The following GALNT14 variants were observed in gnomAD, a reference collection of about 807,000 sequenced individuals.
GALNT14 encodes the protein UDP-GalNAc:polypeptide N-acetylgalactosaminyltransferase 14.
Under a neutral mutation model 77.5 loss-of-function variants are expected in GALNT14, and 60 were observed. The ratio of observed to expected loss-of-function variants is 0.77; its 90% confidence interval spans 0.63 to 0.96. GALNT14 has a LOEUF of 0.96. Ranked by LOEUF, GALNT14 falls within the 40% of genes least tolerant of loss-of-function variation. The pLI is 0.00. For synonymous variants in GALNT14, 280 were observed against 281.7 expected (o/e 0.99, Z 0.06); for missense variants, 710 against 731.0 (o/e 0.97, Z 0.33).
At chr2:30,980,212 A>G (rs1463506629) in intron 2 of GALNT14, among the ~76,000 whole-genome samples, 4 of 152,228 alleles carry the variant, frequency 2.6e-5, no homozygotes, top group Non-Finnish European at 5.9e-5. Flanking sequence ...CAGGGTGCAG[A>G]GCCTGGACCT....
intron 1 of GALNT14, among the ~76,000 whole-genome samples, chr2:31,050,412 G>A (rs1673769195): frequency 6.6e-6 from 1 of 152,130 alleles, no homozygotes; most frequent in Admixed American, 6.5e-5. Flanking sequence ...GCAGCTTCCG[G>A]TCAGTGTCAC....
rs186872047 is a variant in GALNT14 at position 31,009,639 on chromosome 2, C to T, written c.130-16632G>A. ...CCCACTTAAGGTCTCACAAGCATCT[C>T]ACCTTGCATGGATTTCAAATGGAAC... is the stretch of plus-strand genomic sequence containing the variant. On this transcript the variant is annotated intron_variant, in intron 1 of 14. Coordinates refer to ENST00000349752, the MANE Select transcript of GALNT14 (RefSeq NM_024572.4). 1.9e-3 allele frequency among the ~76,000 whole-genome samples: 288 copies of T among 152,302 alleles called. 3 individuals carry two copies. The highest frequency in any genetic ancestry group is 0.016 in the Admixed American group (242 of 15,302).
chr2:30,953,278 A>G (rs1339459231), intron 6 of GALNT14, among the ~76,000 whole-genome samples: 1 of 120,844 alleles, frequency 8.3e-6, no homozygotes, highest in Non-Finnish European at 1.8e-5. Flanking sequence ...TGTTTTCCAT[A>G]TTTCTTCCTC....
At chr2:31,070,818 G>A (rs1005763207) in intron 1 of GALNT14, among the ~76,000 whole-genome samples, 11 of 152,178 alleles carry the variant, frequency 7.2e-5, no homozygotes, top group African/African-American at 2.7e-4. Flanking sequence ...GACGTTTAAA[G>A]GATGCAGAGA....
At chr2:31,022,559 C>T (rs1302235868) in intron 1 of GALNT14, among the ~76,000 whole-genome samples, 3 of 152,320 alleles carry the variant, frequency 2.0e-5, no homozygotes, top group East Asian at 1.9e-4. Flanking sequence ...TACAAAACAA[C>T]GTCTTCCCAC....
At chr2:31,136,804 GA>G (rs1371064366) in intron 1 of GALNT14, among the ~76,000 whole-genome samples, 1 of 152,162 alleles carries the variant, frequency 6.6e-6, no homozygotes, top group Non-Finnish European at 1.5e-5. Context: ...CCTGATCTAT[GA>G]AACAAGCATA....
chr2:31,064,277 C>T (rs146043843), intron 1 of GALNT14, among the ~76,000 whole-genome samples: 2 of 152,368 alleles, frequency 1.3e-5, no homozygotes, highest in East Asian at 3.9e-4. Context: ...ACGCAGCTGT[C>T]ACTGGCTCCC....
intron 1 of GALNT14, among the ~76,000 whole-genome samples, chr2:31,074,313 A>G (rs1675614406): frequency 6.6e-6 from 1 of 152,104 alleles, no homozygotes; most frequent in Non-Finnish European, 1.5e-5. Flanking sequence ...TGTGAAATGG[A>G]GCTAACAAAG....
At chr2:31,075,946 T>A (rs1462063990) in intron 1 of GALNT14, among the ~76,000 whole-genome samples, 1 of 152,184 alleles carries the variant, frequency 6.6e-6, no homozygotes, top group Non-Finnish European at 1.5e-5. Context: ...CATCTGGTTG[T>A]TTGGCAGAGA....
At chr2:30,987,550 T>C (rs114086677) in intron 2 of GALNT14, among the ~76,000 whole-genome samples, 284 of 152,320 alleles carry the variant, frequency 1.9e-3, no homozygotes, top group Non-Finnish European at 3.5e-3. Flanking sequence ...CTCGCTTCCA[T>C]TCCAGATACG....
intron 1 of GALNT14, among the ~76,000 whole-genome samples, chr2:31,089,166 C>T (rs933364572): frequency 2.6e-5 from 4 of 152,108 alleles, no homozygotes; most frequent in Non-Finnish European, 5.9e-5. Context: ...CCTAGCCTAC[C>T]ATGACCCTTC....
chr2:30,978,163 T>C (rs1028373540), intron 2 of GALNT14, among the ~76,000 whole-genome samples: 3 of 152,240 alleles, frequency 2.0e-5, no homozygotes, highest in African/African-American at 7.2e-5. Flanking sequence ...GTCACTGCCC[T>C]TGACTGTACC....
intron 1 of GALNT14, among the ~76,000 whole-genome samples, chr2:31,008,061 G>A (rs1258048644): frequency 6.6e-6 from 1 of 152,096 alleles, no homozygotes; most frequent in Non-Finnish European, 1.5e-5. Context: ...AAACCAATGG[G>A]ATGAACCCCA....
At chr2:31,068,944 T>C (rs1457292369) in intron 1 of GALNT14, among the ~76,000 whole-genome samples, 2 of 152,152 alleles carry the variant, frequency 1.3e-5, no homozygotes, top group African/African-American at 4.8e-5. Flanking sequence ...ATGTCCAGAA[T>C]AGGCAAATGT....
At chr2:30,996,356 G>A (rs1670029948) in intron 1 of GALNT14, among the ~76,000 whole-genome samples, 1 of 152,254 alleles carries the variant, frequency 6.6e-6, no homozygotes, top group Non-Finnish European at 1.5e-5. Flanking sequence ...AGGTCATGGA[G>A]AAAACGTCTC....
chr2:30,952,348 G>T (rs1004379851), intron 6 of GALNT14, among the ~76,000 whole-genome samples: 5 of 151,784 alleles, frequency 3.3e-5, no homozygotes, highest in Admixed American at 6.6e-5. Flanking sequence ...TAGCAAAGAC[G>T]TGGAACCAAC....
At chr2:30,903,462 C>T in the GALNT14 span, among the ~76,000 whole-genome samples, 174 of 152,356 alleles carry the variant, frequency 1.1e-3, 1 homozygote, top group Non-Finnish European at 2.0e-3. Flanking sequence ...CTTGGTGGCA[C>T]GCTTGCCATC....
intron 1 of GALNT14, among the ~76,000 whole-genome samples, chr2:31,030,320 C>T (rs190263226): frequency 2.0e-5 from 3 of 151,930 alleles, no homozygotes; most frequent in Admixed American, 6.5e-5. Context: ...AGTCCAGGGC[C>T]GAGCACCAGG....
intron 3 of GALNT14, among the ~76,000 whole-genome samples, chr2:30,965,810 G>A (rs1023705841): frequency 0.036 from 23 of 634 alleles, no homozygotes; most frequent in African/African-American, 0.1. Context: ...GCTGGGTGCT[G>A]ACCCAGCCTG....
Sources: allele counts gnomAD v4.1 joint callset (sites outside exome capture counted in the v4.1 genomes callset), GRCh38; gene constraint gnomAD v4.1.1; transcripts MANE v1.5; gene names NCBI Gene and HGNC (gene_info 2026-07-23, HGNC 2026-07-21).